The following ZNF844 variants were observed in gnomAD, a reference collection of about 807,000 sequenced individuals.
ZNF844 encodes zinc finger protein 844.
A neutral mutation model predicts 11.4 loss-of-function variants in ZNF844; 11 were observed. The observed-to-expected ratio is 0.97, with a 90% confidence interval of 0.61 to 1.60. The LOEUF (loss-of-function observed/expected upper bound fraction) is 1.60. Ranked by LOEUF, ZNF844 falls within the 40% of genes most tolerant of loss-of-function variation. The pLI is 0.00. For synonymous variants in ZNF844, 248 were observed against 260.3 expected (o/e 0.95, Z 0.46); for missense variants, 790 against 796.8 (o/e 0.99, Z 0.10).
chr19:12,073,925 A>G, intron 1 of ZNF844, 106 bp from the exon 2 acceptor site: 1 of 1,414,454 alleles, frequency 7.1e-7, no homozygotes, highest in Non-Finnish European at 9.4e-7. Context: ...GAAATAGAAT[A>G]AATGTTTGGA....
Position 12,075,667 on chromosome 19 carries a change from A to G in ZNF844, c.547A>G (p.Ser183Gly), listed in dbSNP as rs760221315. ...ECGKTFISHSSIQRHMIMHNG... is the reference protein window; with the variant it reads ...ECGKTFISHSGIQRHMIMHNG... ...TGGAAAAACCTTCATATCCCATTCA[A>G]GCATTCAAAGACACATGATAATGCA... The change falls in exon 4 of 4, where the codon AGC becomes GGC. Residue 183 changes from serine (S) to glycine (G), a missense_variant. Around this residue, in one of 3 missense-constraint regions of ZNF844, gnomAD observed 657 missense variants for 636.2 expected, o/e 1.03. Coordinates refer to ENST00000439326, the MANE Select transcript of ZNF844 (RefSeq NM_001136501.3). 1.9e-6 allele frequency: 3 copies of G among 1,612,352 alleles called. No individual in the cohort carries two copies. Among genetic ancestry groups the G allele is most frequent in the South Asian group, 2.2e-5 (2 of 90,704 alleles).
intron 1 of ZNF844, among the ~76,000 whole-genome samples, chr19:12,067,090 C>T (rs1393706783): frequency 6.6e-6 from 1 of 152,044 alleles, no homozygotes; most frequent in East Asian, 1.9e-4. Flanking sequence ...GTCCCAGCTA[C>T]TCCGGAGGCT....
At position 12,076,715 on chromosome 19, in the gene ZNF844, T is replaced by A. The variant is rs2145549715; in HGVS notation, c.1595T>A (p.Met532Lys). The A allele has an allele frequency of 6.2e-7, 1 of 1,613,146 alleles. No homozygotes were observed. Among genetic ancestry groups the A allele is most frequent in the Admixed American group, 1.7e-5 (1 of 59,732 alleles). Residue 532 changes from methionine to lysine, a missense_variant, in exon 4 of 4, where the codon ATG (methionine) becomes AAG (lysine). Transcript: ENST00000439326. ...MKGLTLESNC[M>K]NLNNVKKPLD... ...GGACTCACACTGGAAAGCAACTGTA[T>A]GAATCTAAACAATGTGAAAAAACCT...
At chr19:12,070,894 G>T (rs1375154117) in intron 1 of ZNF844, among the ~76,000 whole-genome samples, 1 of 152,128 alleles carries the variant, frequency 6.6e-6, no homozygotes, top group African/African-American at 2.4e-5. Flanking sequence ...TTGGGGAAGA[G>T]AATATTAATA....
In ZNF844 at chr19:12,068,955, T is replaced by C. The variant is rs150561284; in HGVS notation, c.3+4079T>C. 6.6e-3 allele frequency among the ~76,000 whole-genome samples: 1,006 copies of C among 152,182 alleles called. 23 individuals carry two copies. The highest frequency in any genetic ancestry group is 0.06 in the East Asian group (309 of 5,156). ...TCTTGCTGGGGAGCCTCTCCTGCAG[T>C]GTCCCAGCTGCTCACACTGACCCAG... On this transcript the variant is annotated intron_variant, in intron 1 of 3. Transcript: ENST00000439326.
At chr19:12,066,728 A>G (rs1380648341) in intron 1 of ZNF844, among the ~76,000 whole-genome samples, 1 of 150,918 alleles carries the variant, frequency 6.6e-6, no homozygotes, top group African/African-American at 2.4e-5. Flanking sequence ...TTGTGTTTTT[A>G]GTAGAGACGG....
At chr19:12,071,078 G>T (rs1176037403) in intron 1 of ZNF844, among the ~76,000 whole-genome samples, 1 of 152,118 alleles carries the variant, frequency 6.6e-6, no homozygotes, top group African/African-American at 2.4e-5. Flanking sequence ...AGGAGTCCTT[G>T]AGATCCTCCC....
At position 12,070,015 on chromosome 19, in the gene ZNF844, G is replaced by A. The variant is rs540985898; in HGVS notation, c.4-4016G>A. 3 of 150,886 alleles carry A rather than the reference G, an allele frequency of 2.0e-5. No homozygotes were observed. In the South Asian group the frequency reaches 6.3e-4, roughly 31 times the overall value. 9.3% of individuals were successfully genotyped at this position (150,886 alleles called of 1,614,324 possible). A position where few individuals can be genotyped will look rare whatever the true frequency, so the allele number is the denominator to read the frequency against. On this transcript the variant is annotated intron_variant, in intron 1 of 3. Transcript: ENST00000439326. ...CTCATGCCTGTAATCCCAGCTCGCAGGGAGGCAAGAGGCGGGAGGATAGCT... is the reference window on the plus strand; with the variant it reads ...CTCATGCCTGTAATCCCAGCTCGCAAGGAGGCAAGAGGCGGGAGGATAGCT...
Position 12,075,813 on chromosome 19 carries a change from T to C in ZNF844, c.693T>C (p.Gly231=), listed in dbSNP as rs761019893. 7.4e-5 allele frequency: 120 copies of C among 1,611,052 alleles called. No individual in the cohort carries two copies. In the Admixed American group the frequency reaches 1.9e-3, roughly 26 times the overall value. ...AACCATATAAATGTAAACAATGTGGTAAAGCCTTTAGTTATTCAACTTCCC... is the reference window on the plus strand; with the variant it reads ...AACCATATAAATGTAAACAATGTGGCAAAGCCTTTAGTTATTCAACTTCCC... ...GEKPYKCKQC[G]KAFSYSTSLQ... The change falls in exon 4 of 4, where the codon GGT becomes GGC. Residue 231 remains glycine, a synonymous_variant. Coordinates refer to ENST00000439326, the MANE Select transcript of ZNF844 (RefSeq NM_001136501.3).
At position 12,075,373 on chromosome 19, in the gene ZNF844, A is replaced by C. The variant is rs1196193272; in HGVS notation, c.253A>C (p.Ser85Arg). ...TEENHCGETS[S>R]QIPDDTLNKK... is the part of the protein sequence containing the mutation. ...AGAAAATCATTGTGGAGAAACTTCT[A>C]GCCAGATTCCAGATGACACACTGAA... The change falls in exon 4 of 4, where the codon AGC becomes CGC. Residue 85 changes from serine (S) to arginine (R), a missense_variant. This residue lies in a region of ZNF844 where 129 missense variants were observed against 144.0 expected (regional missense o/e 0.90). Transcript: ENST00000439326. 1 of 1,565,600 alleles carries C rather than the reference A, an allele frequency of 6.4e-7. No homozygotes were observed. Among genetic ancestry groups the C allele is most frequent in the East Asian group, 2.3e-5 (1 of 43,108 alleles).
At chr19:12,067,056 TGGG>T in intron 1 of ZNF844, among the ~76,000 whole-genome samples, 1 of 152,098 alleles carries the variant, frequency 6.6e-6, no homozygotes, top group Non-Finnish European at 1.5e-5. Context: ...AAAAATTAGC[TGGG>T]TGTGGTGGTA....
chr19:12,069,021 G>T (rs1975722472), intron 1 of ZNF844, among the ~76,000 whole-genome samples: 2 of 152,140 alleles, frequency 1.3e-5, no homozygotes, highest in South Asian at 4.1e-4. Flanking sequence ...TATTCTGAGA[G>T]AATCTCAGAG....
rs1408588194 is a variant in ZNF844, at chr19:12,075,360, TG to T, written c.242del (p.Gly81GlufsTer12). On this transcript the variant is annotated frameshift_variant, in exon 4 of 4. Coordinates refer to ENST00000439326, the MANE Select transcript of ZNF844 (RefSeq NM_001136501.3). LOFTEE classifies it low-confidence loss of function (END_TRUNC). Reference sequence around the variant, plus strand: ...ATGAAAATACAGAAGAAAATCATTGTGGAGAAACTTCTAGCCAGATTCCAGA... The same window carrying T: ...ATGAAAATACAGAAGAAAATCATTGTGAGAAACTTCTAGCCAGATTCCAGA... ...VDENTEENHC[G>X]ETSSQIPDDT... is the part of the protein sequence containing the mutation. 1 of 1,526,116 alleles carries T rather than the reference TG, an allele frequency of 6.6e-7. No individual in the cohort carries two copies. Among genetic ancestry groups the T allele is most frequent in the South Asian group, 1.3e-5 (1 of 79,298 alleles). 94.5% of individuals were successfully genotyped at this position (1,526,116 alleles called of 1,614,324 possible).
Position 12,075,915 on chromosome 19 carries a change from C to T in ZNF844, c.795C>T (p.Pro265=). 1 of 1,603,494 alleles carries T rather than the reference C, an allele frequency of 6.2e-7. No homozygotes were observed. Among genetic ancestry groups the T allele is most frequent in the Middle Eastern group, 1.7e-4 (1 of 6,042 alleles). ...CKECGKAFGS[P]NSLYEHRRTH... ...AATGTGGGAAAGCATTCGGTAGTCCCAATTCCCTTTATGAACATAGAAGAA... is the reference window on the plus strand; with the variant it reads ...AATGTGGGAAAGCATTCGGTAGTCCTAATTCCCTTTATGAACATAGAAGAA... The change falls in exon 4 of 4, where the codon CCC becomes CCT. Residue 265 remains proline, a synonymous_variant. Coordinates refer to ENST00000439326, the MANE Select transcript of ZNF844 (RefSeq NM_001136501.3).
At chr19:12,068,163 G>A (rs1975714062) in intron 1 of ZNF844, among the ~76,000 whole-genome samples, 1 of 151,922 alleles carries the variant, frequency 6.6e-6, no homozygotes, top group South Asian at 2.1e-4. Context: ...TTAAAAAATA[G>A]CCAGGCATGA....
At chr19:12,069,066 C>T (rs1975722859) in intron 1 of ZNF844, among the ~76,000 whole-genome samples, 2 of 151,850 alleles carry the variant, frequency 1.3e-5, no homozygotes, top group African/African-American at 2.4e-5. Flanking sequence ...GCAGATGCAG[C>T]GGGTCAGCGA....
intron 3 of ZNF844, among the ~76,000 whole-genome samples, chr19:12,074,736 T>A (rs1975788011): frequency 6.6e-6 from 1 of 152,130 alleles, no homozygotes; most frequent in African/African-American, 2.4e-5. Flanking sequence ...CCTGTAGTCC[T>A]AGCTACATCG....
rs757943517 is a variant in ZNF844, at chr19:12,076,368, G to C, written c.1248G>C (p.Glu416Asp). The change falls in exon 4 of 4, where the codon GAG (glutamate) becomes GAC (aspartate). Residue 416 changes from glutamate (E) to aspartate (D), a missense_variant. Coordinates refer to ENST00000439326, the MANE Select transcript of ZNF844 (RefSeq NM_001136501.3). ...CTATCATGAAAGGACTCACACTGGA[G>C]AGAAACCCTATGAATGTAAGCAGTG... is the stretch of plus-strand genomic sequence containing the variant. ...PFTIMKGLTLERNPMNVSSVV... is the reference protein window; with the variant it reads ...PFTIMKGLTLDRNPMNVSSVV... 13 of 1,610,172 alleles carry C rather than the reference G, an allele frequency of 8.1e-6. No individual in the cohort carries two copies. The East Asian group carries it at 2.9e-4, about 36-fold the overall frequency.
At chr19:12,066,534 T>A (rs1975690443) in intron 1 of ZNF844, among the ~76,000 whole-genome samples, 1 of 128,420 alleles carries the variant, frequency 7.8e-6, no homozygotes, top group Non-Finnish European at 1.6e-5. Context: ...TGTCTTCTTT[T>A]TTTTTTTTTT....
Sources: gnomAD v4.1 joint callset for allele counts (sites outside exome capture counted in the v4.1 genomes callset) on GRCh38, gnomAD v4.1.1 for gene constraint, gnomAD v4.1.1 regional missense constraint, MANE v1.5 for transcripts, NCBI Gene and HGNC (gene_info 2026-07-23, HGNC 2026-07-21) for gene names.